Variants in FDX1 observed in about 807,000 individuals in gnomAD.
FDX1 encodes adrenodoxin, mitochondrial.
A neutral mutation model predicts 14.9 loss-of-function variants in FDX1; 9 were observed. The ratio of observed to expected loss-of-function variants is 0.60; its 90% CI spans 0.36 to 1.05. The LOEUF is 1.05. FDX1 is among the 50% of genes least tolerant of loss of function. The pLI is 0.01. For synonymous variants in FDX1, 92 were observed against 99.4 expected (o/e 0.93, Z 0.44); for missense variants, 204 against 237.2 (o/e 0.86, Z 0.92).
intron 2 of FDX1, among the ~76,000 whole-genome samples, chr11:110,441,814 A>G (rs1946405998): frequency 6.6e-6 from 1 of 152,232 alleles, no homozygotes; most frequent in Non-Finnish European, 1.5e-5. Flanking sequence ...TCCCTGAGAT[A>G]CTGGGGAAAA....
chr11:110,452,411 A>T (rs1374432158), intron 2 of FDX1, among the ~76,000 whole-genome samples: 1 of 152,070 alleles, frequency 6.6e-6, no homozygotes, highest in Non-Finnish European at 1.5e-5. Flanking sequence ...CAACACAATT[A>T]AAAAAATGGG....
intron 1 of FDX1, 90 bp downstream of exon 1, chr11:110,430,395 T>G: frequency 1.1e-6 from 1 of 910,682 alleles, no homozygotes; most frequent in African/African-American, 1.8e-5. Flanking sequence ...CTGGTTCCAG[T>G]GCCTTCTGCG....
At chr11:110,432,904 G>T (rs906180444) in intron 1 of FDX1, among the ~76,000 whole-genome samples, 5 of 152,170 alleles carry the variant, frequency 3.3e-5, no homozygotes, top group Non-Finnish European at 5.9e-5. Context: ...TTGTAGGGCT[G>T]TTTACCTTTA....
intron 1 of FDX1, among the ~76,000 whole-genome samples, chr11:110,433,186 C>G (rs1946342384): frequency 4.6e-5 from 7 of 152,242 alleles, no homozygotes; most frequent in Admixed American, 4.6e-4. Flanking sequence ...GGAATTCTTT[C>G]TAATGTGCTT....
intron 2 of FDX1, among the ~76,000 whole-genome samples, chr11:110,446,518 T>A (rs909846195): frequency 6.6e-6 from 1 of 152,262 alleles, no homozygotes; most frequent in Non-Finnish European, 1.5e-5. Flanking sequence ...TTGCTTTACA[T>A]CACTTCTTGG....
chr11:110,460,394 T>G (rs1467007352), intron 3 of FDX1, among the ~76,000 whole-genome samples: 1 of 152,250 alleles, frequency 6.6e-6, no homozygotes, highest in East Asian at 1.9e-4. Context: ...TTGTTTACGC[T>G]GTGCAGCAAC....
intron 2 of FDX1, among the ~76,000 whole-genome samples, chr11:110,447,066 T>C (rs1000645138): frequency 6.6e-6 from 1 of 150,806 alleles, no homozygotes; most frequent in Admixed American, 6.6e-5. Flanking sequence ...TTTCAGCTAC[T>C]TGGGGAGGCC....
upstream of FDX1, chr11:110,429,840 A>G (rs1565377839): frequency 1.0e-5 from 3 of 288,926 alleles, no homozygotes; most frequent in Non-Finnish European, 1.9e-5. Context: ...AGGGTTGGTA[A>G]AGGCCCCCTG....
At chr11:110,444,745 C>T (rs202149431) in intron 2 of FDX1, among the ~76,000 whole-genome samples, 1,046 of 23,480 alleles carry the variant, frequency 0.045, 57 homozygotes, top group African/African-American at 0.14. Context: ...TATATATATA[C>T]ACGTATATAT....
At chr11:110,457,179 A>G in intron 3 of FDX1, 132 bp downstream of exon 3, 1 of 730,886 alleles carries the variant, frequency 1.4e-6, no homozygotes, top group Non-Finnish European at 2.2e-6. Flanking sequence ...ACAGATTTTG[A>G]GTATCAGATA....
In FDX1 at chr11:110,463,768, A is replaced by G. The variant is rs1288846801; in HGVS notation, c.*1300A>G. ...TTTATTAGGAAAATATAAAATATGT[A>G]TGTATGTGCAGATAATTTGCTTGAA... On this transcript the variant is annotated 3_prime_UTR_variant, in exon 4 of 4. Coordinates refer to ENST00000260270, the MANE Select transcript of FDX1 (RefSeq NM_004109.5). The G allele has an allele frequency of 1.3e-5, 2 of 152,220 alleles. No homozygotes were observed. Among genetic ancestry groups the G allele is most frequent in the East Asian group, 3.8e-4 (2 of 5,206 alleles). The allele number at this position is 152,220 out of a possible 1,614,324, so 9.4% of individuals were successfully genotyped here.
intron 2 of FDX1, among the ~76,000 whole-genome samples, chr11:110,439,156 T>C (rs1946389473): frequency 6.6e-6 from 1 of 152,048 alleles, no homozygotes; most frequent in South Asian, 2.1e-4. Context: ...TCTGCCCACC[T>C]TGGCCTCCCA....
At chr11:110,443,117 A>G (rs1946415797) in intron 2 of FDX1, among the ~76,000 whole-genome samples, 1 of 152,146 alleles carries the variant, frequency 6.6e-6, no homozygotes, top group African/African-American at 2.4e-5. Context: ...TCCTGTATAA[A>G]TTACCCAGTT....
At chr11:110,453,358 A>C (rs1430567596) in intron 2 of FDX1, among the ~76,000 whole-genome samples, 1 of 152,130 alleles carries the variant, frequency 6.6e-6, no homozygotes, top group Non-Finnish European at 1.5e-5. Context: ...AAACACAACA[A>C]AACAAAAAGC....
At chr11:110,436,298 T>C (rs1399750713) in intron 2 of FDX1, among the ~76,000 whole-genome samples, 1 of 152,180 alleles carries the variant, frequency 6.6e-6, no homozygotes, top group African/African-American at 2.4e-5. Context: ...CTTAAATATC[T>C]TGAATGTCAG....
intron 3 of FDX1, among the ~76,000 whole-genome samples, chr11:110,458,792 G>C (rs189572410): frequency 6.6e-6 from 1 of 152,032 alleles, no homozygotes; most frequent in Non-Finnish European, 1.5e-5. Context: ...ATTTTGAGTA[G>C]AGACGGGGTT....
At chr11:110,453,838 A>G (rs889772170) in intron 2 of FDX1, among the ~76,000 whole-genome samples, 3 of 152,212 alleles carry the variant, frequency 2.0e-5, no homozygotes, top group African/African-American at 4.8e-5. Context: ...CTGTAGTGAT[A>G]GTTGTTCTAA....
chr11:110,444,668 A>ATATATATATATATACACG (rs1946428942), intron 2 of FDX1, among the ~76,000 whole-genome samples: 9 of 68,094 alleles, frequency 1.3e-4, no homozygotes, highest in African/African-American at 2.2e-4. Context: ...ATATATACGT[A>ATATATATATATATACACG]TATATATATA....
At chr11:110,444,898 G>T (rs1031480792) in intron 2 of FDX1, among the ~76,000 whole-genome samples, 2 of 151,060 alleles carry the variant, frequency 1.3e-5, no homozygotes, top group East Asian at 1.9e-4. Context: ...TAACACGACC[G>T]ACCCGCCCTG....
Sources: gnomAD v4.1 joint callset for allele counts (sites outside exome capture counted in the v4.1 genomes callset) on GRCh38, gnomAD v4.1.1 for gene constraint, MANE v1.5 for transcripts, NCBI Gene and HGNC (gene_info 2026-07-23, HGNC 2026-07-21) for gene names.